Variants in TTPA observed in about 807,000 individuals in gnomAD.
The protein encoded by TTPA is alpha tocopherol transfer protein.
Under a neutral mutation model 25.9 loss-of-function variants are expected in TTPA, and 23 were observed. The ratio of observed to expected loss-of-function variants is 0.89; its 90% confidence interval spans 0.64 to 1.26. The LOEUF is 1.26. Ranked by LOEUF, TTPA falls within the 50% of genes most tolerant of loss-of-function variation. The pLI is 0.00. For synonymous variants in TTPA, 148 were observed against 137.3 expected, an observed-to-expected ratio of 1.08 and a Z score of -0.54; for missense variants, 337 against 353.1, an observed-to-expected ratio of 0.95 and a Z score of 0.37.
At chr8:63,085,710 C>T (rs1460149166) in intron 1 of TTPA, 108 bp downstream of exon 1, 1 of 1,365,424 alleles carries the variant, frequency 7.3e-7, no homozygotes, top group Non-Finnish European at 9.9e-7. Flanking sequence ...CCGCCAGGGT[C>T]CTGCCTGCAC....
intron 1 of TTPA, among the ~76,000 whole-genome samples, chr8:63,081,336 C>A (rs537989429): frequency 7.8e-4 from 118 of 152,232 alleles, no homozygotes; most frequent in African/African-American, 2.7e-3. Context: ...CCTGGTTCAA[C>A]ATACACAAAT....
chr8:63,078,586 CA>C (rs1805609972), intron 1 of TTPA, among the ~76,000 whole-genome samples: 1 of 152,102 alleles, frequency 6.6e-6, no homozygotes. Flanking sequence ...AGAAGGGTAT[CA>C]GTGATTAAAG....
In TTPA at chr8:63,065,941, G is replaced by C. The variant is rs761956631; in HGVS notation, c.515C>G (p.Thr172Ser). ...GWQFSHAFQITPSVAKKIAAV... is the reference protein window; with the variant it reads ...GWQFSHAFQISPSVAKKIAAV... ...AGCAATCTTCTTGGCTACGGATGGA[G>C]TGATTTGAAAAGCATGAGAAAACTG... Residue 172 changes from threonine (T) to serine (S), a missense_variant, in exon 3 of 5, where the codon ACT (threonine) becomes AGT (serine). Transcript: ENST00000260116. 1.2e-5 allele frequency: 19 copies of C among 1,614,062 alleles called. No individual in the cohort carries two copies. The highest frequency in any genetic ancestry group is 1.6e-4 in the Middle Eastern group (1 of 6,062).
At chr8:63,077,587 G>A (rs1296025230) in intron 1 of TTPA, among the ~76,000 whole-genome samples, 1 of 152,208 alleles carries the variant, frequency 6.6e-6, no homozygotes, top group East Asian at 1.9e-4. Context: ...CTAACTTCAA[G>A]GCGGCAGCCT....
chr8:63,070,178 A>G (rs917348699), intron 2 of TTPA, among the ~76,000 whole-genome samples: 2 of 152,210 alleles, frequency 1.3e-5, no homozygotes, highest in East Asian at 1.9e-4. Flanking sequence ...ACTAAGCCAC[A>G]GTCAAAACTT....
At chr8:63,069,127 C>A (rs1021906391) in intron 2 of TTPA, among the ~76,000 whole-genome samples, 2 of 152,092 alleles carry the variant, frequency 1.3e-5, no homozygotes, top group Middle Eastern at 3.4e-3. Flanking sequence ...GCTCTCCAGC[C>A]TGGGCAACAG....
At chr8:63,061,733 T>G (rs1455210929) in intron 4 of TTPA, among the ~76,000 whole-genome samples, 1 of 152,218 alleles carries the variant, frequency 6.6e-6, no homozygotes, top group Non-Finnish European at 1.5e-5. Context: ...TAAATTCTAT[T>G]CCCTTATGTG....
intron 1 of TTPA, among the ~76,000 whole-genome samples, chr8:63,076,369 G>A (rs565149730): frequency 2.1e-4 from 31 of 149,082 alleles, no homozygotes; most frequent in Non-Finnish European, 4.4e-5. Flanking sequence ...AAAAACTATA[G>A]GGCTTCTATA....
At position 63,059,602 on chromosome 8, in the gene TTPA, A is replaced by C. The variant is rs891372640; in HGVS notation, c.*1650T>G. Among the ~76,000 whole-genome samples the C allele has an allele frequency of 6.6e-6, 1 of 152,136 alleles. No individual in the cohort carries two copies. Among genetic ancestry groups the C allele is most frequent in the African/African-American group, 2.4e-5 (1 of 41,452 alleles). On this transcript the variant is annotated 3_prime_UTR_variant, in exon 5 of 5. Transcript: ENST00000260116. ...AAATGTTCAACAGATTTTGGACCCC[A>C]TATTCTACATTTTCAAGTTTATAAC... is the stretch of plus-strand genomic sequence containing the variant.
In TTPA at chr8:63,060,220, C is replaced by T. The variant is rs116651927; in HGVS notation, c.*1032G>A. ...AAGTAAGTATGATTCCATCCCTTTC[C>T]GTGTAGTCATAAGAATGACCATAAG... On this transcript the variant is annotated 3_prime_UTR_variant, in exon 5 of 5. Coordinates refer to ENST00000260116, the MANE Select transcript of TTPA (RefSeq NM_000370.3). The T allele has an allele frequency of 1.4e-3, 220 of 152,178 alleles. 2 individuals are homozygous for T. Among genetic ancestry groups the T allele is most frequent in the African/African-American group, 5.2e-3 (215 of 41,512 alleles). The allele number at this position is 152,178 out of a possible 1,614,324, so 9.4% of individuals were successfully genotyped here. A position where few individuals can be genotyped will look rare whatever the true frequency, so the allele number is the denominator to read the frequency against.
intron 1 of TTPA, among the ~76,000 whole-genome samples, chr8:63,084,273 G>A (rs1303001665): frequency 1.3e-5 from 2 of 152,116 alleles, no homozygotes; most frequent in Non-Finnish European, 2.9e-5. Flanking sequence ...CAATTTCACC[G>A]GTTGAATTTA....
intron 1 of TTPA, among the ~76,000 whole-genome samples, chr8:63,080,206 C>T (rs951072023): frequency 6.6e-6 from 1 of 152,092 alleles, no homozygotes; most frequent in South Asian, 2.1e-4. Context: ...TAAATGCCCA[C>T]AAGAGAAAGC....
At chr8:63,075,962 T>C (rs1805556526) in intron 1 of TTPA, among the ~76,000 whole-genome samples, 1 of 152,168 alleles carries the variant, frequency 6.6e-6, no homozygotes, top group Non-Finnish European at 1.5e-5. Context: ...TCACTTGATA[T>C]AAGGAATTCA....
intron 1 of TTPA, among the ~76,000 whole-genome samples, chr8:63,080,170 A>G (rs987812675): frequency 1.3e-5 from 2 of 152,210 alleles, no homozygotes; most frequent in Non-Finnish European, 2.9e-5. Flanking sequence ...CATTTAAAGT[A>G]GTGTGTAGAG....
At chr8:63,078,305 A>G (rs1262957102) in intron 1 of TTPA, among the ~76,000 whole-genome samples, 2 of 152,256 alleles carry the variant, frequency 1.3e-5, no homozygotes, top group East Asian at 1.9e-4. Flanking sequence ...GCTCCTCACC[A>G]GCAATAGAAC....
chr8:63,071,071 C>G (rs1421023222), intron 2 of TTPA, among the ~76,000 whole-genome samples: 1 of 152,160 alleles, frequency 6.6e-6, no homozygotes, highest in South Asian at 2.1e-4. Flanking sequence ...TTAAATCTGG[C>G]AAGACTACCC....
chr8:63,063,335 A>G (rs1805338589), intron 4 of TTPA, among the ~76,000 whole-genome samples: 1 of 152,122 alleles, frequency 6.6e-6, no homozygotes, highest in Non-Finnish European at 1.5e-5. Context: ...GATATATGAG[A>G]TGCTTTTTCT....
chr8:63,070,316 G>A (rs1365668665), intron 2 of TTPA, among the ~76,000 whole-genome samples: 1 of 152,180 alleles, frequency 6.6e-6, no homozygotes, highest in African/African-American at 2.4e-5. Flanking sequence ...GGGTTGCCCG[G>A]CCCGCATGGA....
At chr8:63,065,286 C>T (rs1563679036) in intron 3 of TTPA, among the ~76,000 whole-genome samples, 1 of 152,086 alleles carries the variant, frequency 6.6e-6, no homozygotes, top group Non-Finnish European at 1.5e-5. Flanking sequence ...CTGGGCATCG[C>T]TATGTCACTT....
Sources: gnomAD v4.1 joint callset for allele counts (sites outside exome capture counted in the v4.1 genomes callset) on GRCh38, gnomAD v4.1.1 for gene constraint, MANE v1.5 for transcripts, NCBI Gene and HGNC (gene_info 2026-07-23, HGNC 2026-07-21) for gene names.